The following DRC1 variants were observed in gnomAD, a reference collection of about 807,000 sequenced individuals.
The protein encoded by DRC1 is dynein regulatory complex subunit 1.
Under a neutral mutation model 98.7 loss-of-function variants are expected in DRC1, and 74 were observed. The ratio of observed to expected loss-of-function variants is 0.75; its 90% CI spans 0.62 to 0.91. DRC1 has a LOEUF of 0.91. Ranked by LOEUF, DRC1 falls within the 40% of genes least tolerant of loss-of-function variation. DRC1 has a pLI of 0.00. For missense variants in DRC1, 875 were observed against 886.0 expected, an observed-to-expected ratio of 0.99 and a Z score of 0.16; for synonymous variants, 336 against 334.1, an observed-to-expected ratio of 1.01 and a Z score of -0.06.
chr2:26,424,145 C>A, intron 3 of DRC1, 126 bp from the exon 4 acceptor site: 1 of 1,055,144 alleles, frequency 9.5e-7, no homozygotes, highest in Non-Finnish European at 1.4e-6. Flanking sequence ...TGATTTTGGG[C>A]GGGTGTGTTT....
rs5830013 is a variant in DRC1, at chr2:26,430,958, C to CTTTTT, written c.765+102_765+106dup. ...AATTTGCTAGCTAGCCTTTTTCTATCTTTTTTTTTTTTTTTTTTTTGAGAT... is the reference window on the plus strand; with the variant it reads ...AATTTGCTAGCTAGCCTTTTTCTATCTTTTTTTTTTTTTTTTTTTTTTTTTGAGAT... On this transcript the variant is annotated intron_variant, in intron 6 of 16. Transcript: ENST00000288710. 2.4e-4 allele frequency: 84 copies of CTTTTT among 344,724 alleles called. 1 individual carries two copies. Among genetic ancestry groups the CTTTTT allele is most frequent in the African/African-American group, 3.3e-4 (11 of 33,698 alleles). 21.4% of individuals were successfully genotyped at this position (344,724 alleles called of 1,614,324 possible). A position where few individuals can be genotyped will look rare whatever the true frequency, so the allele number is the denominator to read the frequency against.
chr2:26,434,028 T>C (rs936760354), intron 7 of DRC1, among the ~76,000 whole-genome samples: 1 of 152,226 alleles, frequency 6.6e-6, no homozygotes, highest in Admixed American at 6.5e-5. Context: ...GTATTTTCAC[T>C]AGACATTCAA....
At position 26,444,730 on chromosome 2, in the gene DRC1, T is replaced by C. The variant is rs914203633; in HGVS notation, c.1178T>C (p.Ile393Thr). 7 of 1,614,048 alleles carry C rather than the reference T, an allele frequency of 4.3e-6. No homozygotes were observed. In the African/African-American group the frequency reaches 5.3e-5, roughly 12 times the overall value. The change falls in exon 10 of 17, where the codon ATT becomes ACT. Residue 393 changes from isoleucine to threonine, a missense_variant. Coordinates refer to ENST00000288710, the MANE Select transcript of DRC1 (RefSeq NM_145038.5). ...LQKAMRHFAL[I>T]DDEKFWEIWL... ...CTCCTTCACAGGCATTTTGCTCTTA[T>C]TGATGATGAGAAGTTTTGGGAGATT... is the stretch of plus-strand genomic sequence containing the variant.
chr2:26,429,583 C>T (rs370568383), intron 4 of DRC1, 45 bp from the exon 5 acceptor site: 5 of 1,604,086 alleles, frequency 3.1e-6, no homozygotes, highest in East Asian at 2.2e-5. Context: ...GCACCTTCTG[C>T]TCCTGACACA....
intron 7 of DRC1, among the ~76,000 whole-genome samples, chr2:26,438,255 A>G (rs551624583): frequency 6.3e-4 from 96 of 152,290 alleles, no homozygotes; most frequent in African/African-American, 2.2e-3. Context: ...AAACACGCCA[A>G]CATTAACAGA....
intron 8 of DRC1, 122 bp downstream of exon 8, chr2:26,440,639 T>C: frequency 7.9e-7 from 1 of 1,269,536 alleles, no homozygotes; most frequent in Non-Finnish European, 1.0e-6. Context: ...CTTATTAAAA[T>C]AGTTTTTTGG....
Position 26,429,674 on chromosome 2 carries a change from A to T in DRC1, c.587A>T (p.Gln196Leu). The T allele has an allele frequency of 6.2e-7, 1 of 1,614,208 alleles. No individual in the cohort carries two copies. The highest frequency in any genetic ancestry group is 8.5e-7 in the Non-Finnish European group (1 of 1,180,032). ...DDQYVKDLKK[Q>L]SDDICLLLER... Reference sequence around the variant, plus strand: ...CAGTATGTGAAGGATTTGAAGAAACAGTCAGATGACATCTGCCTGCTTCTG... The same window carrying T: ...CAGTATGTGAAGGATTTGAAGAAACTGTCAGATGACATCTGCCTGCTTCTG... Residue 196 changes from glutamine to leucine, a missense_variant, in exon 5 of 17, where the codon CAG (glutamine) becomes CTG (leucine). By Grantham distance (113) the Gln-to-Leu change is moderately radical. Coordinates refer to ENST00000288710, the MANE Select transcript of DRC1 (RefSeq NM_145038.5).
Position 26,444,326 on chromosome 2 carries a change from T to C in DRC1, c.1133T>C (p.Met378Thr). The C allele has an allele frequency of 6.2e-7, 1 of 1,614,180 alleles. No homozygotes were observed. The highest frequency in any genetic ancestry group is 8.5e-7 in the Non-Finnish European group (1 of 1,180,036). ...ACCTCGGACTACAAACGTCTTGTGA[T>C]GCAATTCAAGGAGCTACAGAAAGCC... ...SLTSDYKRLV[M>T]QFKELQKAMR... Residue 378 changes from methionine to threonine, a missense_variant, in exon 9 of 17, where the codon ATG becomes ACG. By Grantham distance (81) the Met-to-Thr change is moderately conservative. Transcript: ENST00000288710.
At chr2:26,418,629 T>C (rs1572358601) in intron 2 of DRC1, among the ~76,000 whole-genome samples, 2 of 97,744 alleles carry the variant, frequency 2.0e-5, no homozygotes, top group South Asian at 2.6e-4. Flanking sequence ...TAATATAAAT[T>C]ATATATAATT....
intron 3 of DRC1, among the ~76,000 whole-genome samples, chr2:26,423,046 C>T (rs1450760917): frequency 1.3e-5 from 2 of 152,140 alleles, no homozygotes; most frequent in Non-Finnish European, 2.9e-5. Flanking sequence ...ACTTTAGCAG[C>T]CCTACCAGTA....
At position 26,429,613 on chromosome 2, in the gene DRC1, C is replaced by T. The variant is rs780283290; in HGVS notation, c.541-15C>T. 3 of 1,612,616 alleles carry T rather than the reference C, an allele frequency of 1.9e-6. No homozygotes were observed. Among genetic ancestry groups the T allele is most frequent in the East Asian group, 4.5e-5 (2 of 44,858 alleles). On this transcript the variant is annotated splice_polypyrimidine_tract_variant and intron_variant, in intron 4 of 16. Transcript: ENST00000288710. ...GACACAGTTTGTGGCCAGACTTTTA[C>T]ATGCTCTTTTCTAGGAGTTAAAAAC...
At chr2:26,435,241 G>T (rs1663540253) in intron 7 of DRC1, among the ~76,000 whole-genome samples, 1 of 152,210 alleles carries the variant, frequency 6.6e-6, no homozygotes, top group Non-Finnish European at 1.5e-5. Context: ...CAACACTTAT[G>T]CTACCTTTAC....
intron 7 of DRC1, among the ~76,000 whole-genome samples, chr2:26,438,087 CAA>C (rs61571007): frequency 0.063 from 3,155 of 49,854 alleles, 60 homozygotes; most frequent in African/African-American, 0.17. Context: ...GACTCTATCT[CAA>C]AAAAAAAAAA....
chr2:26,439,936 T>TATATAC lies in DRC1; in HGVS notation c.889-441_889-440insTATACA, dbSNP rs548209014. Among the ~76,000 whole-genome samples the TATATAC allele has an allele frequency of 1.0e-3, 78 of 75,510 alleles. 11 individuals carry two copies. Among genetic ancestry groups the TATATAC allele is most frequent in the Non-Finnish European group, 1.8e-3 (57 of 31,210 alleles). The allele number at this position is 75,510 out of a possible 152,430, so 49.5% of individuals were successfully genotyped here. ...ACTAGTGTGTGAATATATATATATA[T>TATATAC]ACACACACACATACACACACACACA... On this transcript the variant is annotated intron_variant, in intron 7 of 16. Coordinates refer to ENST00000288710, the MANE Select transcript of DRC1 (RefSeq NM_145038.5).
chr2:26,428,091 T>C (rs1321585007), intron 4 of DRC1, among the ~76,000 whole-genome samples: 1 of 152,246 alleles, frequency 6.6e-6, no homozygotes, highest in African/African-American at 2.4e-5. Flanking sequence ...GGTTTTCCTG[T>C]GTGTGAAATC....
chr2:26,408,059 T>C (rs1367524083), intron 1 of DRC1, among the ~76,000 whole-genome samples: 1 of 152,222 alleles, frequency 6.6e-6, no homozygotes, highest in Non-Finnish European at 1.5e-5. Context: ...GAAAGCTTGC[T>C]TCCTGCCTGC....
At chr2:26,405,356 A>G (rs369777746) in intron 1 of DRC1, among the ~76,000 whole-genome samples, 38 of 152,348 alleles carry the variant, frequency 2.5e-4, no homozygotes, top group African/African-American at 8.9e-4. Context: ...TAAACAAGGC[A>G]AATATAATCT....
intron 5 of DRC1, chr2:26,430,415 A>T (rs1391283773): frequency 2.3e-6 from 1 of 436,364 alleles, no homozygotes; most frequent in Admixed American, 2.6e-5. Context: ...CCTTTGCTTC[A>T]TGGGATCCCC....
rs1400274036 is a variant in DRC1 at position 26,429,684 on chromosome 2, C to T, written c.597C>T (p.Asp199=). The change falls in exon 5 of 17, where the codon GAC becomes GAT. Residue 199 remains aspartate (D), a synonymous_variant. Transcript: ENST00000288710. ...YVKDLKKQSD[D]ICLLLERMEE... The stretch of plus-strand genomic sequence containing the variant: ...AGGATTTGAAGAAACAGTCAGATGA[C>T]ATCTGCCTGCTTCTGGAGCGGATGG... 6.2e-7 allele frequency: 1 copy of T among 1,614,022 alleles called. No individual in the cohort carries two copies. Among genetic ancestry groups the T allele is most frequent in the African/African-American group, 1.3e-5 (1 of 74,902 alleles).
Sources: allele counts gnomAD v4.1 joint callset (sites outside exome capture counted in the v4.1 genomes callset), GRCh38; gene constraint gnomAD v4.1.1; transcripts MANE v1.5; gene names NCBI Gene and HGNC (gene_info 2026-07-23, HGNC 2026-07-21).